The following NCAM2 variants were observed in gnomAD, a reference collection of about 807,000 sequenced individuals.
The protein encoded by NCAM2 is neural cell adhesion molecule 2, also known as N-CAM-2.
A neutral mutation model predicts 98.1 loss-of-function variants in NCAM2; 30 were observed. The observed-to-expected ratio is 0.31, with a 90% CI of 0.23 to 0.41. NCAM2 has a LOEUF of 0.41. Ranked by LOEUF, NCAM2 falls within the 10% of genes least tolerant of loss-of-function variation. The pLI, the probability that NCAM2 is intolerant of heterozygous loss-of-function variation, is 1.00. For synonymous variants in NCAM2, 368 were observed against 342.4 expected, an observed-to-expected ratio of 1.07 and a Z score of -0.83; for missense variants, 867 against 1,005.8, an observed-to-expected ratio of 0.86 and a Z score of 1.87.
Position 21,247,587 on chromosome 21 carries a change from A to G in NCAM2, c.56-32991A>G, listed in dbSNP as rs145988691. ...CTGAATTATTTTTATCTCATCAGGA[A>G]TTTTGTGTTGGATGAAATGAGTCAC... On this transcript the variant is annotated intron_variant, in intron 1 of 17. Coordinates refer to ENST00000400546, the MANE Select transcript of NCAM2 (RefSeq NM_004540.5). 2.0e-4 allele frequency among the ~76,000 whole-genome samples: 31 copies of G among 152,214 alleles called. No homozygotes were observed. The East Asian group carries it at 5.8e-3, about 28-fold the overall frequency.
chr21:21,265,122 A>G (rs1269645910), intron 1 of NCAM2, among the ~76,000 whole-genome samples: 1 of 9,542 alleles, frequency 1.0e-4, no homozygotes, highest in African/African-American at 2.7e-4. Context: ...ATACATACAT[A>G]TATTATATAT....
intron 1 of NCAM2, among the ~76,000 whole-genome samples, chr21:21,083,269 G>A (rs894000213): frequency 6.6e-6 from 1 of 151,932 alleles, no homozygotes; most frequent in African/African-American, 2.4e-5. Flanking sequence ...GGTATTTGGT[G>A]GTACTTATTA....
intron 1 of NCAM2, among the ~76,000 whole-genome samples, chr21:21,129,754 C>T (rs899737462): frequency 6.6e-6 from 1 of 152,014 alleles, no homozygotes; most frequent in African/African-American, 2.4e-5. Flanking sequence ...TTTAGAGGAG[C>T]GCAAGCATTC....
chr21:21,541,113 T>G lies in NCAM2; in HGVS notation c.*3156T>G, dbSNP rs760781757. 6.7e-5 allele frequency: 10 copies of G among 149,612 alleles called. No individual in the cohort carries two copies. Among genetic ancestry groups the G allele is most frequent in the Non-Finnish European group, 1.3e-4 (9 of 66,704 alleles). The allele number at this position is 149,612 out of a possible 1,614,324, so 9.3% of individuals were successfully genotyped here. On this transcript the variant is annotated 3_prime_UTR_variant, in exon 18 of 18. Coordinates refer to ENST00000400546, the MANE Select transcript of NCAM2 (RefSeq NM_004540.5). The stretch of plus-strand genomic sequence containing the variant: ...AATTAAATATTTATATAAATAGATT[T>G]TATTAATCAAATTATTTATTTGTGT...
At chr21:21,298,233 A>G (rs1423901985) in intron 5 of NCAM2, among the ~76,000 whole-genome samples, 1 of 151,834 alleles carries the variant, frequency 6.6e-6, no homozygotes, top group Non-Finnish European at 1.5e-5. Flanking sequence ...AATGTAAAGC[A>G]TATACAAGTA....
chr21:21,052,505 C>G (rs1379054202), intron 1 of NCAM2, among the ~76,000 whole-genome samples: 4 of 151,860 alleles, frequency 2.6e-5, no homozygotes, highest in Admixed American at 2.6e-4. Flanking sequence ...ATATGTCTCT[C>G]TAGCATATAG....
intron 8 of NCAM2, among the ~76,000 whole-genome samples, chr21:21,341,611 A>G (rs1482964504): frequency 2.0e-5 from 3 of 152,172 alleles, no homozygotes; most frequent in Non-Finnish European, 4.4e-5. Flanking sequence ...TCGTGTAGTA[A>G]AAACTAATAA....
rs1188118654 is a variant in NCAM2 at position 21,145,845 on chromosome 21, CAGGT to C, written c.56-134730_56-134727del. Among the ~76,000 whole-genome samples, 4 of 152,162 alleles carry C rather than the reference CAGGT, an allele frequency of 2.6e-5. No individual in the cohort carries two copies. In the South Asian group the frequency reaches 8.3e-4, roughly 32 times the overall value. ...TAGTCTTATAGGGAAGATAGTAACTCAGGTAGAGTGTGATAGATTTAACAATACT... is the reference window on the plus strand; with the variant it reads ...TAGTCTTATAGGGAAGATAGTAACTCAGAGTGTGATAGATTTAACAATACT... On this transcript the variant is annotated intron_variant, in intron 1 of 17. Transcript: ENST00000400546.
At chr21:21,034,053 G>C (rs940932283) in intron 1 of NCAM2, among the ~76,000 whole-genome samples, 1 of 124,088 alleles carries the variant, frequency 8.1e-6, no homozygotes, top group African/African-American at 2.9e-5. Context: ...GATAGGCAAA[G>C]GGGGGGGGGA....
At chr21:21,133,763 A>G (rs1253335073) in intron 1 of NCAM2, among the ~76,000 whole-genome samples, 1 of 152,058 alleles carries the variant, frequency 6.6e-6, no homozygotes, top group Non-Finnish European at 1.5e-5. Flanking sequence ...TGATCTGGAA[A>G]CTCATGAAAT....
chr21:21,387,954 A>G (rs2076304229), intron 9 of NCAM2, among the ~76,000 whole-genome samples: 1 of 152,220 alleles, frequency 6.6e-6, no homozygotes, highest in Non-Finnish European at 1.5e-5. Context: ...TGCATCATAA[A>G]CACCCAAAAA....
Position 21,403,595 on chromosome 21 carries a change from A to C in NCAM2, c.1196-6679A>C, listed in dbSNP as rs1406626169. Reference sequence around the variant, plus strand: ...AAATGGCTTACTATTCATAGACATAAATTTTGATATTATTTTGAATTATTA... The same window carrying C: ...AAATGGCTTACTATTCATAGACATACATTTTGATATTATTTTGAATTATTA... On this transcript the variant is annotated intron_variant, in intron 9 of 17. Coordinates refer to ENST00000400546, the MANE Select transcript of NCAM2 (RefSeq NM_004540.5). Among the ~76,000 whole-genome samples, 7 of 152,308 alleles carry C rather than the reference A, an allele frequency of 4.6e-5. No homozygotes were observed. The South Asian group carries it at 1.4e-3, about 32-fold the overall frequency.
intron 12 of NCAM2, among the ~76,000 whole-genome samples, chr21:21,460,433 T>C (rs368542744): frequency 2.0e-5 from 3 of 151,966 alleles, no homozygotes; most frequent in East Asian, 3.9e-4. Flanking sequence ...TTAAATGAAA[T>C]AGGATCAGAT....
chr21:21,483,990 G>A (rs566824152), intron 15 of NCAM2, among the ~76,000 whole-genome samples: 47 of 151,944 alleles, frequency 3.1e-4, no homozygotes, highest in South Asian at 2.7e-3. Flanking sequence ...AAGAAATTAC[G>A]GTAGAAAAAA....
intron 15 of NCAM2, among the ~76,000 whole-genome samples, chr21:21,494,099 A>G (rs928938835): frequency 1.3e-5 from 2 of 152,056 alleles, no homozygotes; most frequent in African/African-American, 4.8e-5. Context: ...TTCCAAGAAA[A>G]ATAATAATAC....
rs142928404 is a variant in NCAM2, at chr21:21,348,030, G to A, written c.1044+9496G>A. Reference sequence around the variant, plus strand: ...CATACTGAATGTGGAAAAATTGAAAGTGTTTCCTCTAAGATCTGGAACACT... The same window carrying A: ...CATACTGAATGTGGAAAAATTGAAAATGTTTCCTCTAAGATCTGGAACACT... On this transcript the variant is annotated intron_variant, in intron 8 of 17. Coordinates refer to ENST00000400546, the MANE Select transcript of NCAM2 (RefSeq NM_004540.5). Among the ~76,000 whole-genome samples the A allele has an allele frequency of 5.1e-3, 770 of 152,138 alleles. 5 individuals are homozygous for A. The highest frequency in any genetic ancestry group is 0.018 in the African/African-American group (733 of 41,546).
chr21:21,082,719 T>C (rs1415418616), intron 1 of NCAM2, among the ~76,000 whole-genome samples: 1 of 152,212 alleles, frequency 6.6e-6, no homozygotes, highest in African/African-American at 2.4e-5. Flanking sequence ...TGTTCATCTT[T>C]ATGTCATGTG....
At chr21:21,187,856 C>T (rs915853331) in intron 1 of NCAM2, among the ~76,000 whole-genome samples, 3 of 152,276 alleles carry the variant, frequency 2.0e-5, no homozygotes, top group African/African-American at 7.2e-5. Flanking sequence ...ATTATGTCGT[C>T]AGGGTCAGCT....
chr21:21,397,791 G>A (rs750240292), intron 9 of NCAM2, among the ~76,000 whole-genome samples: 1 of 152,202 alleles, frequency 6.6e-6, no homozygotes, highest in Non-Finnish European at 1.5e-5. Flanking sequence ...CACAAACCTG[G>A]CCAGACCTCC....
Sources: gnomAD v4.1 joint callset for allele counts (sites outside exome capture counted in the v4.1 genomes callset) on GRCh38, gnomAD v4.1.1 for gene constraint, MANE v1.5 for transcripts, NCBI Gene and HGNC (gene_info 2026-07-23, HGNC 2026-07-21) for gene names.